The following PELI2 variants were observed in gnomAD, a reference collection of about 807,000 sequenced individuals.
PELI2 encodes pellino E3 ubiquitin protein ligase family member 2.
In PELI2, 23 loss-of-function variants were observed where a neutral mutation model predicts 42.3. That is an observed-to-expected ratio of 0.54 (90% CI 0.39 to 0.77). The LOEUF (loss-of-function observed/expected upper bound fraction) is 0.77, where lower values mean the gene tolerates loss of function less well. PELI2 is among the 30% of genes least tolerant of loss of function. The pLI, the probability that PELI2 is intolerant of heterozygous loss-of-function variation, is 0.00. For missense variants in PELI2, 463 were observed against 553.2 expected, an observed-to-expected ratio of 0.84 and a Z score of 1.64; for synonymous variants, 245 against 212.2, an observed-to-expected ratio of 1.15 and a Z score of -1.34.
chr14:56,293,471 G>A (rs1304084937), intron 5 of PELI2, among the ~76,000 whole-genome samples: 1 of 151,408 alleles, frequency 6.6e-6, no homozygotes, highest in African/African-American at 2.4e-5. Context: ...TCCCAAACTG[G>A]AATAATATTA....
At chr14:56,245,952 T>A (rs1426973095) in intron 2 of PELI2, among the ~76,000 whole-genome samples, 1 of 152,170 alleles carries the variant, frequency 6.6e-6, no homozygotes, top group African/African-American at 2.4e-5. Flanking sequence ...TCCTCAGATT[T>A]TGGTATCTGC....
chr14:56,211,898 C>T (rs1055121794), intron 2 of PELI2, among the ~76,000 whole-genome samples: 2 of 151,986 alleles, frequency 1.3e-5, no homozygotes, highest in African/African-American at 4.8e-5. Flanking sequence ...CATACAGACG[C>T]ATGCATGTTG....
intron 1 of PELI2, among the ~76,000 whole-genome samples, chr14:56,147,858 C>T (rs571123983): frequency 6.6e-6 from 1 of 152,224 alleles, no homozygotes; most frequent in South Asian, 2.1e-4. Context: ...ACCCATGTGG[C>T]GTTTTGACCA....
At chr14:56,254,158 T>G (rs989963748) in intron 2 of PELI2, among the ~76,000 whole-genome samples, 1 of 152,136 alleles carries the variant, frequency 6.6e-6, no homozygotes, top group Admixed American at 6.5e-5. Context: ...CCCAACACTT[T>G]AGGAGGCCAA....
At chr14:56,160,619 T>C (rs952997895) in intron 1 of PELI2, among the ~76,000 whole-genome samples, 5 of 152,190 alleles carry the variant, frequency 3.3e-5, no homozygotes, top group Admixed American at 6.5e-5. Flanking sequence ...CACATCTCAA[T>C]TGCTATAAAG....
At chr14:56,168,664 C>A (rs1885055060) in intron 1 of PELI2, among the ~76,000 whole-genome samples, 1 of 151,970 alleles carries the variant, frequency 6.6e-6, no homozygotes. Context: ...GTGCTCTACC[C>A]CCCTGTGGCC....
At chr14:56,242,564 G>A (rs536650452) in intron 2 of PELI2, among the ~76,000 whole-genome samples, 29 of 152,284 alleles carry the variant, frequency 1.9e-4, no homozygotes, top group East Asian at 3.9e-4. Flanking sequence ...TGTTTAGAGC[G>A]GCACAACTTG....
intron 1 of PELI2, among the ~76,000 whole-genome samples, chr14:56,138,483 A>C (rs1883767864): frequency 6.6e-6 from 1 of 152,080 alleles, no homozygotes; most frequent in African/African-American, 2.4e-5. Flanking sequence ...TTAAAGACTG[A>C]AAAGTATTCA....
intron 1 of PELI2, among the ~76,000 whole-genome samples, chr14:56,127,307 G>T (rs1363834657): frequency 6.6e-6 from 1 of 152,146 alleles, no homozygotes; most frequent in Non-Finnish European, 1.5e-5. Flanking sequence ...TGAAATAACA[G>T]AACTAACAGA....
chr14:56,279,876 G>C (rs980366474), intron 3 of PELI2, 99 bp downstream of exon 3: 2 of 517,224 alleles, frequency 3.9e-6, no homozygotes, highest in South Asian at 7.0e-5. Flanking sequence ...TGTCCAGGGG[G>C]AAAGAGTTGA....
At chr14:56,192,967 C>T (rs966742742) in intron 2 of PELI2, among the ~76,000 whole-genome samples, 1 of 152,146 alleles carries the variant, frequency 6.6e-6, no homozygotes, top group Non-Finnish European at 1.5e-5. Context: ...TTTTAAAAAG[C>T]TGCATTGCTG....
intron 5 of PELI2, 91 bp from the exon 6 acceptor site, chr14:56,296,509 A>G (rs1890007167): frequency 5.8e-6 from 5 of 868,174 alleles, no homozygotes; most frequent in African/African-American, 1.7e-5. Flanking sequence ...GTTATCTTCA[A>G]ATATTTTTTT....
rs563973688 is a variant in PELI2 at position 56,220,812 on chromosome 14, G to A, written c.207+42348G>A. On this transcript the variant is annotated intron_variant, in intron 2 of 5. Transcript: ENST00000267460. ...TGGGGAGTAGGAAGGAGGAAATGCC[G>A]CGAAATGGTGCCAACTTGTTTGACT... Among the ~76,000 whole-genome samples, 7 of 152,232 alleles carry A rather than the reference G, an allele frequency of 4.6e-5. No individual in the cohort carries two copies. In the South Asian group the frequency reaches 1.2e-3, roughly 27 times the overall value.
At chr14:56,223,235 C>G (rs1158595120) in intron 2 of PELI2, among the ~76,000 whole-genome samples, 1 of 152,164 alleles carries the variant, frequency 6.6e-6, no homozygotes, top group South Asian at 2.1e-4. Context: ...AACCGTAACT[C>G]CCTCTCTGGT....
intron 1 of PELI2, among the ~76,000 whole-genome samples, chr14:56,177,498 T>C (rs1226911336): frequency 6.6e-6 from 1 of 152,212 alleles, no homozygotes; most frequent in Non-Finnish European, 1.5e-5. Context: ...AGAGAATAGT[T>C]GTGTTAATGT....
intron 1 of PELI2, among the ~76,000 whole-genome samples, chr14:56,160,651 T>A (rs1884726767): frequency 6.6e-6 from 1 of 152,210 alleles, no homozygotes; most frequent in Non-Finnish European, 1.5e-5. Context: ...TTCTGTAAAC[T>A]GCAGCAACAT....
intron 4 of PELI2, among the ~76,000 whole-genome samples, chr14:56,289,010 T>A (rs751349800): frequency 6.6e-6 from 1 of 152,174 alleles, no homozygotes; most frequent in Non-Finnish European, 1.5e-5. Context: ...AAAAATGTTT[T>A]ATGAGTGTTT....
At position 56,196,879 on chromosome 14, in the gene PELI2, CTTGAG is replaced by C. The variant is rs1175629634; in HGVS notation, c.207+18419_207+18423del. Among the ~76,000 whole-genome samples the C allele has an allele frequency of 9.2e-5, 14 of 152,234 alleles. No homozygotes were observed. In the East Asian group the frequency reaches 2.3e-3, roughly 25 times the overall value. ...TTTGTTCATGGTGTCTCATCTCATA[CTTGAG>C]TTGGGTATAATCAAATCTGGAATTT... On this transcript the variant is annotated intron_variant, in intron 2 of 5. Transcript: ENST00000267460.
Position 56,197,995 on chromosome 14 carries a change from CACACACACACACACA to C in PELI2, c.207+19532_207+19546del, listed in dbSNP as rs1566632179. 6.8e-6 allele frequency among the ~76,000 whole-genome samples: 1 copy of C among 147,198 alleles called. No homozygotes were observed. The highest frequency in any genetic ancestry group is 2.6e-5 in the African/African-American group (1 of 38,972). On this transcript the variant is annotated intron_variant, in intron 2 of 5. Transcript: ENST00000267460. The surrounding 1 kb of genome is among the most constrained non-coding windows in gnomAD (Gnocchi z 4.9). Reference sequence around the variant, plus strand: ...ACACACACACACACACACACACACACACACACACACACACACACCCACCTCTTTGGTCCACTTCTC... The same window carrying C: ...ACACACACACACACACACACACACACCACCCACCTCTTTGGTCCACTTCTC...
Sources: gnomAD v4.1 joint callset for allele counts (sites outside exome capture counted in the v4.1 genomes callset) on GRCh38, gnomAD v4.1.1 for gene constraint, Gnocchi (gnomAD v3.1) non-coding constraint, MANE v1.5 for transcripts, NCBI Gene and HGNC (gene_info 2026-07-23, HGNC 2026-07-21) for gene names.